Variants in EFL1 observed in about 807,000 individuals in gnomAD.
The protein encoded by EFL1 is elongation factor-like GTPase 1.
Under a neutral mutation model 126.7 loss-of-function variants are expected in EFL1, and 76 were observed. The ratio of observed to expected loss-of-function variants is 0.60; its 90% CI spans 0.50 to 0.73. EFL1 has a LOEUF of 0.73. Among genes scored for constraint, EFL1 ranks in the 30% least tolerant of loss-of-function variants. The pLI, the probability that EFL1 is intolerant of heterozygous loss-of-function variation, is 0.00. For missense variants in EFL1, 1,128 were observed against 1,343.2 expected (o/e 0.84, Z 2.50); for synonymous variants, 410 against 448.4 (o/e 0.91, Z 1.08).
intron 15 of EFL1, among the ~76,000 whole-genome samples, chr15:82,176,645 C>G (rs1192604193): frequency 6.6e-6 from 1 of 152,110 alleles, no homozygotes; most frequent in Non-Finnish European, 1.5e-5. Flanking sequence ...ACAAAAATGA[C>G]TCGAATGAAA....
intron 18 of EFL1, among the ~76,000 whole-genome samples, chr15:82,146,320 G>A (rs2073845435): frequency 1.3e-5 from 2 of 152,096 alleles, no homozygotes; most frequent in South Asian, 4.1e-4. Context: ...GCCGATTCTT[G>A]GAGAATCAAA....
At chr15:82,142,491 G>A (rs2073800205) in intron 18 of EFL1, among the ~76,000 whole-genome samples, 1 of 152,024 alleles carries the variant, frequency 6.6e-6, no homozygotes, top group African/African-American at 2.4e-5. Context: ...CCCTGTGGGA[G>A]GGAGGGATGG....
intron 15 of EFL1, among the ~76,000 whole-genome samples, chr15:82,180,380 A>C (rs993708560): frequency 3.1e-5 from 4 of 129,978 alleles, no homozygotes; most frequent in South Asian, 2.1e-4. Context: ...AAACAAAAAA[A>C]AAACAAACAA....
chr15:82,208,482 G>A (rs1268915810), intron 15 of EFL1, among the ~76,000 whole-genome samples: 1 of 152,148 alleles, frequency 6.6e-6, no homozygotes, highest in Non-Finnish European at 1.5e-5. Context: ...GGAGAGTGCA[G>A]CTGTAGAGGG....
intron 4 of EFL1, among the ~76,000 whole-genome samples, chr15:82,241,684 G>A (rs2074932947): frequency 6.6e-6 from 1 of 152,168 alleles, no homozygotes; most frequent in South Asian, 2.1e-4. Context: ...CTTTTAATGT[G>A]CTAATCACAT....
intron 15 of EFL1, among the ~76,000 whole-genome samples, chr15:82,180,643 ATAACAT>A (rs889119822): frequency 1.9e-4 from 29 of 152,312 alleles, no homozygotes; most frequent in Admixed American, 7.2e-4. Flanking sequence ...GTAGAATAAA[ATAACAT>A]TAATCATATA....
In EFL1 at chr15:82,151,323, G is replaced by A; in HGVS notation, c.2989+142C>T. The A allele has an allele frequency of 2.7e-6, 2 of 748,154 alleles. 1 individual carries two copies. The highest frequency in any genetic ancestry group is 3.5e-5 in the South Asian group (2 of 56,816). 46.3% of individuals were successfully genotyped at this position (748,154 alleles called of 1,614,324 possible). A position where few individuals can be genotyped will look rare whatever the true frequency, so the allele number is the denominator to read the frequency against. The stretch of plus-strand genomic sequence containing the variant: ...GGATTGCTTGAGCCTGGTAGGCAGA[G>A]GTTGCAGTGAGCCGAGATTGTGCCA... On this transcript the variant is annotated intron_variant, in intron 18 of 19. Coordinates refer to ENST00000268206, the MANE Select transcript of EFL1 (RefSeq NM_024580.6).
intron 18 of EFL1, 28 bp downstream of exon 18, chr15:82,151,437 C>G (rs773228695): frequency 7.6e-5 from 119 of 1,562,666 alleles, no homozygotes; most frequent in Non-Finnish European, 9.4e-5. Flanking sequence ...CAGGGCATTT[C>G]TCACTATCTT....
intron 7 of EFL1, among the ~76,000 whole-genome samples, chr15:82,237,947 A>G (rs1420760058): frequency 1.1e-4 from 17 of 152,216 alleles, no homozygotes. Flanking sequence ...CCATTTCTAT[A>G]ACACCCTTGA....
At chr15:82,141,949 A>G (rs769837220) in intron 18 of EFL1, among the ~76,000 whole-genome samples, 1 of 152,192 alleles carries the variant, frequency 6.6e-6, no homozygotes, top group Non-Finnish European at 1.5e-5. Flanking sequence ...ATATGTTGAT[A>G]CTGGGGCATA....
At chr15:82,155,706 T>C (rs1465553719) in intron 17 of EFL1, among the ~76,000 whole-genome samples, 1 of 152,190 alleles carries the variant, frequency 6.6e-6, no homozygotes, top group Non-Finnish European at 1.5e-5. Context: ...GTTGTGTGGG[T>C]GAATTCTTGT....
At chr15:82,201,827 C>T (rs949016959) in intron 15 of EFL1, among the ~76,000 whole-genome samples, 2 of 149,372 alleles carry the variant, frequency 1.3e-5, no homozygotes, top group Admixed American at 1.3e-4. Context: ...CTACTGTTTC[C>T]TTCTCCACTT....
intron 14 of EFL1, among the ~76,000 whole-genome samples, chr15:82,217,182 GA>G (rs369157027): frequency 4.6e-5 from 7 of 152,018 alleles, no homozygotes; most frequent in African/African-American, 1.7e-4. Context: ...TGAGCATGTG[GA>G]ACAACTGTAA....
At chr15:82,157,449 A>C (rs1227174920) in intron 17 of EFL1, 6 of 292,058 alleles carry the variant, frequency 2.1e-5, no homozygotes, top group Non-Finnish European at 3.2e-5. Context: ...TTTTGTGTAC[A>C]TGCTTAAAGT....
At chr15:82,133,552 T>C (rs886723633) in intron 19 of EFL1, among the ~76,000 whole-genome samples, 1 of 152,206 alleles carries the variant, frequency 6.6e-6, no homozygotes, top group Non-Finnish European at 1.5e-5. Flanking sequence ...TCAATGTCAA[T>C]GTACTGTAAG....
chr15:82,175,766 T>C (rs938688596), intron 15 of EFL1, among the ~76,000 whole-genome samples: 3 of 152,070 alleles, frequency 2.0e-5, no homozygotes, highest in Middle Eastern at 3.2e-3. Context: ...GGTGGGAGAA[T>C]TGCTTGAACC....
In EFL1 at chr15:82,220,124, T is replaced by C. The variant is rs374308281; in HGVS notation, c.1398A>G (p.Gln466=). The change falls in exon 13 of 20, where the codon CAA becomes CAG. Residue 466 remains glutamine (Q), a synonymous_variant. Transcript: ENST00000268206. ...GACATGTTTCAATGGCACTCCCATC[T>C]TGGGTGGGCTCCAAGGGTGCCTGTC... The part of the protein sequence containing the change: ...AQGQAPLEPT[Q]DGSAIETCPK... 237 of 1,613,582 alleles carry C rather than the reference T, an allele frequency of 1.5e-4. No homozygotes were observed. Among genetic ancestry groups the C allele is most frequent in the Non-Finnish European group, 1.8e-4 (216 of 1,179,818 alleles).
At chr15:82,135,541 A>G (rs1183106440) in intron 19 of EFL1, among the ~76,000 whole-genome samples, 1 of 152,228 alleles carries the variant, frequency 6.6e-6, no homozygotes, top group Non-Finnish European at 1.5e-5. Context: ...TTTGCAGGCC[A>G]TATATTATTT....
chr15:82,205,968 A>G (rs1237728539), intron 15 of EFL1, among the ~76,000 whole-genome samples: 1 of 152,226 alleles, frequency 6.6e-6, no homozygotes, highest in African/African-American at 2.4e-5. Flanking sequence ...TATGCTAACA[A>G]TCTGATCTGG....
Sources: allele counts gnomAD v4.1 joint callset (sites outside exome capture counted in the v4.1 genomes callset), GRCh38; gene constraint gnomAD v4.1.1; transcripts MANE v1.5; gene names NCBI Gene and HGNC (gene_info 2026-07-23, HGNC 2026-07-21).